RPL26L1: variants seen among roughly 807,000 people sequenced by gnomAD.
RPL26L1 encodes ribosomal protein uL24-like.
In RPL26L1, 8 loss-of-function variants were observed where a neutral mutation model predicts 15.2. The ratio of observed to expected loss-of-function variants is 0.53; its 90% confidence interval spans 0.31 to 0.95. The LOEUF (loss-of-function observed/expected upper bound fraction) is 0.95, where lower values mean the gene tolerates loss of function less well. Ranked by LOEUF, RPL26L1 falls within the 40% of genes least tolerant of loss-of-function variation. The pLI is 0.05. For missense variants in RPL26L1, 146 were observed against 190.9 expected (o/e 0.76, Z 1.39); for synonymous variants, 51 against 65.9 (o/e 0.77, Z 1.09).
rs200268304 is a variant in RPL26L1, at chr5:172,967,898, CAT to C, written c.169-557_169-556del. On this transcript the variant is annotated intron_variant, in intron 2 of 3. Transcript: ENST00000265100. ...ATATGATACGTGTATGTATATATGA[CAT>C]ATAAATACATATACGCACATATGTA... Among the ~76,000 whole-genome samples, 703 of 151,362 alleles carry C rather than the reference CAT, an allele frequency of 4.6e-3. 14 individuals carry two copies. The highest frequency in any genetic ancestry group is 0.036 in the South Asian group (173 of 4,822).
Position 172,965,690 on chromosome 5 carries a change from C to G in RPL26L1, c.169-2769C>G, listed in dbSNP as rs114056478. On this transcript the variant is annotated intron_variant, in intron 2 of 3. Coordinates refer to ENST00000265100, the MANE Select transcript of RPL26L1 (RefSeq NM_016093.4). ...TGCATGATTTCCCATTCGCTCTGGC[C>G]ACATTAATCTCTCACAAGCTCTTCC... Among the ~76,000 whole-genome samples, 1,348 of 152,286 alleles carry G rather than the reference C, an allele frequency of 8.9e-3. 20 individuals carry two copies. The highest frequency in any genetic ancestry group is 0.031 in the African/African-American group (1,272 of 41,562).
At chr5:172,960,286 T>A (rs1336711283) in intron 2 of RPL26L1, among the ~76,000 whole-genome samples, 1 of 152,202 alleles carries the variant, frequency 6.6e-6, no homozygotes, top group Admixed American at 6.5e-5. Context: ...ACCTGCTTTT[T>A]TGTTTGTTTT....
chr5:172,957,244 T>C (rs1156377241), upstream of RPL26L1: 2 of 456,312 alleles, frequency 4.4e-6, no homozygotes, highest in African/African-American at 4.0e-5. Flanking sequence ...ACTACATTGT[T>C]AGAATGACAG....
At chr5:172,957,340 A>AACAAT (rs768860029), upstream of RPL26L1, 2 of 453,216 alleles carry the variant, frequency 4.4e-6, no homozygotes, top group South Asian at 3.1e-5. Context: ...AACAAAACAA[A>AACAAT]GCAAAAAGCC....
upstream of RPL26L1, chr5:172,954,918 C>T (rs1024748659): frequency 4.4e-6 from 2 of 455,976 alleles, no homozygotes; most frequent in African/African-American, 4.0e-5. Flanking sequence ...TCCAGGGGTG[C>T]GTGACAGGTT....
intron 2 of RPL26L1, among the ~76,000 whole-genome samples, chr5:172,962,075 A>G (rs1001519493): frequency 1.3e-5 from 2 of 152,210 alleles, no homozygotes; most frequent in Non-Finnish European, 2.9e-5. Flanking sequence ...GTAATCTACC[A>G]TCAAGGCTTG....
At chr5:172,957,173 A>C (rs1318413284), upstream of RPL26L1, 3 of 456,084 alleles carry the variant, frequency 6.6e-6, no homozygotes, top group Non-Finnish European at 1.3e-5. Flanking sequence ...CCTCTGTGCT[A>C]GGTGCTTTGA....
intron 2 of RPL26L1, among the ~76,000 whole-genome samples, chr5:172,963,076 C>T (rs1196208909): frequency 3.3e-5 from 5 of 151,952 alleles, no homozygotes; most frequent in African/African-American, 1.2e-4. Context: ...GCCTGATGTG[C>T]TTATAAAATC....
rs985359257 is a variant in RPL26L1, at chr5:172,964,922, G to A, written c.169-3537G>A. Among the ~76,000 whole-genome samples, 5 of 152,144 alleles carry A rather than the reference G, an allele frequency of 3.3e-5. No individual in the cohort carries two copies. The East Asian group carries it at 5.8e-4, about 18-fold the overall frequency. ...TCCCAGGCCTGGTGCAGTGGCTCAC[G>A]CCTGTAATCTCAACACTCTGAGAGG... On this transcript the variant is annotated intron_variant, in intron 2 of 3. Transcript: ENST00000265100.
intron 2 of RPL26L1, among the ~76,000 whole-genome samples, chr5:172,962,118 A>G (rs1160243493): frequency 1.3e-5 from 2 of 152,142 alleles, no homozygotes; most frequent in Admixed American, 6.5e-5. Context: ...TCTTGAACCT[A>G]TTTCCTGTCC....
At chr5:172,958,051 G>C (rs951990809), upstream of RPL26L1, 1 of 251,110 alleles carries the variant, frequency 4.0e-6, no homozygotes, top group African/African-American at 2.2e-5. Context: ...AATCACCTGA[G>C]GTCGGGAGTT....
intron 2 of RPL26L1, among the ~76,000 whole-genome samples, chr5:172,966,288 C>T (rs910737652): frequency 2.0e-5 from 3 of 147,050 alleles, no homozygotes; most frequent in Non-Finnish European, 3.0e-5. Flanking sequence ...GGATCATAGG[C>T]GCATGCCACC....
chr5:172,955,878 C>T (rs1392356824), upstream of RPL26L1: 1 of 152,170 alleles, frequency 6.6e-6, no homozygotes. Flanking sequence ...GGAATTCATA[C>T]CCAGGTCTGC....
intron 2 of RPL26L1, among the ~76,000 whole-genome samples, chr5:172,961,331 G>A (rs1755228177): frequency 6.6e-6 from 1 of 152,158 alleles, no homozygotes; most frequent in Non-Finnish European, 1.5e-5. Flanking sequence ...AATACTTATA[G>A]GGGATAGGTA....
rs539398008 is a variant in RPL26L1, at chr5:172,968,803, C to CTTTTTTTTTTTTTTTTTTTTTTTTT, written c.309+227_309+228insTTTTTTTTTTTTTTTTTTTTTTTTT. 1.2e-4 allele frequency among the ~76,000 whole-genome samples: 9 copies of CTTTTTTTTTTTTTTTTTTTTTTTTT among 74,366 alleles called. 3 individuals are homozygous for CTTTTTTTTTTTTTTTTTTTTTTTTT. Among genetic ancestry groups the CTTTTTTTTTTTTTTTTTTTTTTTTT allele is most frequent in the Admixed American group, 4.6e-4 (2 of 4,320 alleles). The allele number at this position is 74,366 out of a possible 152,430, so 48.8% of individuals were successfully genotyped here. A position where few individuals can be genotyped will look rare whatever the true frequency, so the allele number is the denominator to read the frequency against. ...TTGCCTTTCTTGGTGATGGCTGTGT[C>CTTTTTTTTTTTTTTTTTTTTTTTTT]TTTTTTTTTTTTTTTTTTTTTTTGA... On this transcript the variant is annotated intron_variant, in intron 3 of 3. Transcript: ENST00000265100.
At chr5:172,967,020 TAATTTTTGTATTTTTAGTAGAG>T (rs1281741533) in intron 2 of RPL26L1, among the ~76,000 whole-genome samples, 2 of 152,040 alleles carry the variant, frequency 1.3e-5, no homozygotes, top group East Asian at 3.9e-4. Context: ...CACGCCCAGC[TAATTTTTGTATTTTTAGTAGAG>T]ACAGGGTTTC....
At chr5:172,956,251 A>C (rs1754971345), upstream of RPL26L1, among the ~76,000 whole-genome samples, 1 of 152,234 alleles carries the variant, frequency 6.6e-6, no homozygotes, top group African/African-American at 2.4e-5. Flanking sequence ...ATGCCTTTTG[A>C]TAAGCAAAAT....
chr5:172,959,649 C>A, intron 1 of RPL26L1, 181 bp downstream of exon 1: 2 of 1,213,280 alleles, frequency 1.6e-6, no homozygotes, highest in Non-Finnish European at 2.2e-6. Flanking sequence ...ACCCTCTCCC[C>A]CACGACCCCT....
At chr5:172,966,316 T>A (rs1351542340) in intron 2 of RPL26L1, among the ~76,000 whole-genome samples, 1 of 107,722 alleles carries the variant, frequency 9.3e-6, no homozygotes, top group Non-Finnish European at 1.8e-5. Context: ...GCTAACTATT[T>A]TTTTTTTTTT....
Sources: allele counts gnomAD v4.1 joint callset (sites outside exome capture counted in the v4.1 genomes callset), GRCh38; gene constraint gnomAD v4.1.1; transcripts MANE v1.5; gene names NCBI Gene and HGNC (gene_info 2026-07-23, HGNC 2026-07-21).